SMURF1: variants seen among roughly 807,000 people sequenced by gnomAD.
SMURF1 encodes the protein SMAD specific E3 ubiquitin protein ligase 1, also known as E3 ubiquitin-protein ligase SMURF1.
A neutral mutation model predicts 98.0 loss-of-function variants in SMURF1; 44 were observed. The ratio of observed to expected loss-of-function variants is 0.45; its 90% CI spans 0.35 to 0.58. The LOEUF (loss-of-function observed/expected upper bound fraction) is 0.58, where lower values mean the gene tolerates loss of function less well. Among genes scored for constraint, SMURF1 ranks in the 20% least tolerant of loss-of-function variants. The pLI is 0.00. For missense variants in SMURF1, 687 were observed against 938.4 expected (o/e 0.73, Z 3.50); for synonymous variants, 396 against 374.9 (o/e 1.06, Z -0.65).
chr7:99,073,825 G>A (rs1796390823), intron 1 of SMURF1, among the ~76,000 whole-genome samples: 1 of 151,292 alleles, frequency 6.6e-6, no homozygotes, highest in East Asian at 1.9e-4. Flanking sequence ...TGTCCTCAAT[G>A]CAAATGCACA....
At chr7:99,138,415 T>C (rs549296792) in intron 1 of SMURF1, among the ~76,000 whole-genome samples, 1 of 141,962 alleles carries the variant, frequency 7.0e-6, no homozygotes, top group East Asian at 2.8e-4. Flanking sequence ...TTTTTTTCTT[T>C]CTTAATCCAT....
rs1044561709 is a variant in SMURF1 at position 99,036,919 on chromosome 7, G to A, written c.1809+148C>T. On this transcript the variant is annotated intron_variant, in intron 15 of 17. Coordinates refer to ENST00000361368, the MANE Select transcript of SMURF1 (RefSeq NM_181349.3). ...TGAACACCCTCTACTCCCCACTCTTGCTCCAGCCCTGGCTCTAGTCTGGGA... is the reference window on the plus strand; with the variant it reads ...TGAACACCCTCTACTCCCCACTCTTACTCCAGCCCTGGCTCTAGTCTGGGA... 18 of 1,170,776 alleles carry A rather than the reference G, an allele frequency of 1.5e-5. No homozygotes were observed. The African/African-American group carries it at 2.8e-4, about 18-fold the overall frequency. 72.5% of individuals were successfully genotyped at this position (1,170,776 alleles called of 1,614,324 possible).
chr7:99,116,914 C>T (rs1477469098), intron 1 of SMURF1, among the ~76,000 whole-genome samples: 1 of 152,140 alleles, frequency 6.6e-6, no homozygotes, highest in Non-Finnish European at 1.5e-5. Flanking sequence ...AAGAACAAAG[C>T]TGGGGGACTC....
intron 3 of SMURF1, 45 bp from the exon 4 acceptor site, chr7:99,057,596 T>TTC: frequency 7.0e-7 from 1 of 1,428,534 alleles, no homozygotes; most frequent in Non-Finnish European, 9.0e-7. Flanking sequence ...GTTTGGTTTT[T>TTC]TTTGTTTTGT....
In SMURF1 at chr7:99,052,362, A is replaced by G. The variant is rs369809495; in HGVS notation, c.564T>C (p.Ala188=). 2.5e-6 allele frequency: 4 copies of G among 1,612,440 alleles called. No homozygotes were observed. In the African/African-American group the frequency reaches 5.3e-5, roughly 22 times the overall value. ...ACCTGCAATTCCCTCCTCCAGCAGC[A>G]GCACCGGTGCTATCTGTGTAAGGGG... ...EPAPYTDSTG[A]AAGGGNCRFV... The change falls in exon 7 of 18, where the codon GCT becomes GCC. Residue 188 remains alanine (A), a synonymous_variant. Coordinates refer to ENST00000361368, the MANE Select transcript of SMURF1 (RefSeq NM_181349.3).
chr7:99,085,353 C>CAAA (rs992976220), intron 1 of SMURF1, among the ~76,000 whole-genome samples: 3 of 52,318 alleles, frequency 5.7e-5, no homozygotes, highest in Admixed American at 4.1e-4. Context: ...AACTCCATCT[C>CAAA]AAAAAAAAAA....
intron 1 of SMURF1, among the ~76,000 whole-genome samples, chr7:99,080,392 C>T (rs143270301): frequency 1.3e-5 from 2 of 152,254 alleles, no homozygotes; most frequent in African/African-American, 4.8e-5. Context: ...CTCTGCCTCC[C>T]AGGTTCAAGT....
intron 1 of SMURF1, among the ~76,000 whole-genome samples, chr7:99,122,684 A>G (rs571704739): frequency 2.5e-4 from 38 of 150,012 alleles, no homozygotes; most frequent in African/African-American, 8.8e-4. Flanking sequence ...TGACCGCACT[A>G]CTAAAAGGCT....
intron 15 of SMURF1, 26 bp downstream of exon 15, chr7:99,037,041 G>T: frequency 6.2e-7 from 1 of 1,612,926 alleles, no homozygotes; most frequent in Non-Finnish European, 8.5e-7. Flanking sequence ...GACGCCCTGG[G>T]TCGACTCCGC....
At chr7:99,054,930 G>A (rs1584463676) in intron 5 of SMURF1, 65 bp from the exon 6 acceptor site, 1 of 1,396,108 alleles carries the variant, frequency 7.2e-7, no homozygotes, top group South Asian at 1.2e-5. Flanking sequence ...AATACAGTGA[G>A]TCATTGCTAA....
rs760061188 is a variant in SMURF1 at position 99,044,885 on chromosome 7, C to T, written c.1256+813G>A. 2.0e-5 allele frequency among the ~76,000 whole-genome samples: 3 copies of T among 152,234 alleles called. No individual in the cohort carries two copies. The East Asian group carries it at 5.8e-4, about 29-fold the overall frequency. On this transcript the variant is annotated intron_variant, in intron 11 of 17. Transcript: ENST00000361368. ...GCACAGCGGTTCACACCTGCAATCT[C>T]AGCACTTTGGGAGGCCAAGATGGGA...
At chr7:99,068,958 T>C (rs1035693077) in intron 1 of SMURF1, among the ~76,000 whole-genome samples, 1 of 152,206 alleles carries the variant, frequency 6.6e-6, no homozygotes, top group Non-Finnish European at 1.5e-5. Context: ...CAGTCTGTGA[T>C]GACATTTTCA....
At chr7:99,114,358 G>T (rs999262439) in intron 1 of SMURF1, among the ~76,000 whole-genome samples, 9 of 152,108 alleles carry the variant, frequency 5.9e-5, no homozygotes, top group African/African-American at 2.2e-4. Context: ...AACTGCAGTG[G>T]CTATATTAAT....
At chr7:99,046,731 CAAAAAAAAAA>C (rs56788889) in intron 10 of SMURF1, among the ~76,000 whole-genome samples, 2 of 74,666 alleles carry the variant, frequency 2.7e-5, no homozygotes, top group East Asian at 3.7e-4. Flanking sequence ...GACTCCGTCT[CAAAAAAAAAA>C]AAAAAAAAAA....
chr7:99,059,403 AAAATAAAATAAAAT>A (rs1294844560), intron 3 of SMURF1, among the ~76,000 whole-genome samples: 2 of 16,806 alleles, frequency 1.2e-4, no homozygotes, highest in Non-Finnish European at 2.2e-4. Context: ...ATCTCAAAAA[AAAATAAAATAAAAT>A]AAAATAAAAT....
Position 99,039,064 on chromosome 7 carries a change from G to A in SMURF1, c.1551-539C>T, listed in dbSNP as rs185529590. On this transcript the variant is annotated intron_variant, in intron 13 of 17. Coordinates refer to ENST00000361368, the MANE Select transcript of SMURF1 (RefSeq NM_181349.3). ...AAAAATTAGCCAGGTGTGGTGGCAG[G>A]CGCCTGTAGTCCCAGCTACTCAGGA... Among the ~76,000 whole-genome samples the A allele has an allele frequency of 7.1e-3, 1,074 of 151,730 alleles. 1 individual carries two copies. Among genetic ancestry groups the A allele is most frequent in the Non-Finnish European group, 0.012 (822 of 67,912 alleles).
At position 99,049,892 on chromosome 7, in the gene SMURF1, ACAG is replaced by A. The variant is rs902975613; in HGVS notation, c.807-186_807-184del. 17 of 497,460 alleles carry A rather than the reference ACAG, an allele frequency of 3.4e-5. No homozygotes were observed. In the Admixed American group the frequency reaches 4.2e-4, roughly 12 times the overall value. 30.8% of individuals were successfully genotyped at this position (497,460 alleles called of 1,614,324 possible). The stretch of plus-strand genomic sequence containing the variant: ...CTCAGTCCAGGCCTCTCTGCTGCAA[ACAG>A]CAGCAACATCCGAGAGATTTAAAAC... On this transcript the variant is annotated intron_variant, in intron 8 of 17. Coordinates refer to ENST00000361368, the MANE Select transcript of SMURF1 (RefSeq NM_181349.3).
chr7:99,117,443 G>A (rs1797484612), intron 1 of SMURF1, among the ~76,000 whole-genome samples: 1 of 151,928 alleles, frequency 6.6e-6, no homozygotes, highest in African/African-American at 2.4e-5. Context: ...CCGCCTCCTG[G>A]GTTCAAGCGA....
chr7:99,063,263 A>AAGATTTT (rs1323337132), intron 1 of SMURF1, among the ~76,000 whole-genome samples: 4 of 8,226 alleles, frequency 4.9e-4, no homozygotes, highest in Admixed American at 1.5e-3. Flanking sequence ...ATATATATAT[A>AAGATTTT]TATATATATA....
Sources: gnomAD v4.1 joint callset for allele counts (sites outside exome capture counted in the v4.1 genomes callset) on GRCh38, gnomAD v4.1.1 for gene constraint, MANE v1.5 for transcripts, NCBI Gene and HGNC (gene_info 2026-07-23, HGNC 2026-07-21) for gene names.